Variants in PIEZO1 observed in about 807,000 individuals in gnomAD.
The protein encoded by PIEZO1 is piezo-type mechanosensitive ion channel component 1.
In PIEZO1, 296 loss-of-function variants were observed where a neutral mutation model predicts 297.2. The ratio of observed to expected loss-of-function variants is 1.00; its 90% CI spans 0.91 to 1.10. The LOEUF (loss-of-function observed/expected upper bound fraction) is 1.10. Ranked by LOEUF, PIEZO1 falls within the 50% of genes least tolerant of loss-of-function variation. The probability of loss-of-function intolerance (pLI) is 0.00; values close to 1 mark genes in which losing one functional copy is unlikely to be tolerated. For synonymous variants in PIEZO1, 2,427 were observed against 1,507.5 expected (o/e 1.61, Z -14.13); for missense variants, 5,018 against 3,455.5 (o/e 1.45, Z -11.34).
chr16:88,716,654 CAGCGCCCCGGAGCTGCCCT>C lies in PIEZO1; in HGVS notation c.6812_6830del (p.Glu2271GlyfsTer12). 6.5e-7 allele frequency: 1 copy of C among 1,549,520 alleles called. No homozygotes were observed. The highest frequency in any genetic ancestry group is 8.7e-7 in the Non-Finnish European group (1 of 1,146,932). On this transcript the variant is annotated frameshift_variant, in exon 47 of 51. Coordinates refer to ENST00000301015, the MANE Select transcript of PIEZO1 (RefSeq NM_001142864.4). LOFTEE classifies it high-confidence loss of function. ...CACGGCTGGGGGGACTGATGCGCCA[CAGCGCCCCGGAGCTGCCCT>C]CAATCTGCGCCGTGACGATGTCCTC...
rs1289639118 is a variant in PIEZO1 at position 88,755,144 on chromosome 16, G to A, written c.65-5665C>T. Among the ~76,000 whole-genome samples, 14 of 152,336 alleles carry A rather than the reference G, an allele frequency of 9.2e-5. No individual in the cohort carries two copies. The South Asian group carries it at 2.9e-3, about 32-fold the overall frequency. The stretch of plus-strand genomic sequence containing the variant: ...TCCTGTGGCACTAGCCGAGGACCAC[G>A]ACTGTCACCTCCACATTGCAGACGA... On this transcript the variant is annotated intron_variant, in intron 1 of 50. Coordinates refer to ENST00000301015, the MANE Select transcript of PIEZO1 (RefSeq NM_001142864.4).
At chr16:88,749,019 C>T (rs867329020) in intron 2 of PIEZO1, among the ~76,000 whole-genome samples, 16 of 149,642 alleles carry the variant, frequency 1.1e-4, no homozygotes, top group East Asian at 3.9e-4. Context: ...GGGCGGATCA[C>T]AAGGTCAGGA....
intron 1 of PIEZO1, among the ~76,000 whole-genome samples, chr16:88,753,085 C>T (rs36163566): frequency 6.3e-5 from 3 of 47,578 alleles, no homozygotes; most frequent in African/African-American, 1.8e-4. Flanking sequence ...CCACCCACCG[C>T]CCCCAGAGCA....
intron 1 of PIEZO1, among the ~76,000 whole-genome samples, chr16:88,771,402 C>A (rs1452334939): frequency 6.6e-6 from 1 of 152,014 alleles, no homozygotes; most frequent in Non-Finnish European, 1.5e-5. Flanking sequence ...AGAAACCAGG[C>A]CAGGCGGGGC....
chr16:88,721,086 C>T (rs1021133544), intron 39 of PIEZO1, 80 bp downstream of exon 39: 25 of 1,359,250 alleles, frequency 1.8e-5, no homozygotes, highest in Non-Finnish European at 2.3e-5. Flanking sequence ...TTGGCCGTCT[C>T]ATCTGAGAAA....
Position 88,734,050 on chromosome 16 carries a change from C to G in PIEZO1, c.2185G>C (p.Asp729His), listed in dbSNP as rs1421379054. 3 of 1,515,626 alleles carry G rather than the reference C, an allele frequency of 2.0e-6. No individual in the cohort carries two copies. The East Asian group carries it at 7.4e-5, about 37-fold the overall frequency. 93.9% of individuals were successfully genotyped at this position (1,515,626 alleles called of 1,614,324 possible). Residue 729 changes from aspartate (D) to histidine (H), a missense_variant, in exon 17 of 51, where the codon GAT becomes CAT. Coordinates refer to ENST00000301015, the MANE Select transcript of PIEZO1 (RefSeq NM_001142864.4). ...TRLPRWAHRQ[D>H]AVSGTPLLRE... The stretch of plus-strand genomic sequence containing the variant: ...AGCAGTGGGGTCCCACTCACTGCAT[C>G]CTGCCTGGGAGAGGGTCCGAAAATG...
Position 88,732,509 on chromosome 16 carries a change from C to A in PIEZO1, c.2817G>T (p.Leu939=), listed in dbSNP as rs1280467440. The change falls in exon 21 of 51, where the codon CTG becomes CTT. Residue 939 remains leucine (L), a synonymous_variant. Transcript: ENST00000301015. ...GCCGGTACACGATGGCCTCGAATACCAGCAGCAGCAGCACTTGCAGGTGGT... is the reference window on the plus strand; with the variant it reads ...GCCGGTACACGATGGCCTCGAATACAAGCAGCAGCAGCACTTGCAGGTGGT... ...IQNHLQVLLL[L]VFEAIVYRRQ... is the part of the protein sequence containing the mutation. The A allele has an allele frequency of 1.3e-6, 2 of 1,545,612 alleles. No homozygotes were observed. Among genetic ancestry groups the A allele is most frequent in the African/African-American group, 1.4e-5 (1 of 72,944 alleles).
intron 44 of PIEZO1, chr16:88,719,043 T>A (rs748656105): frequency 6.4e-6 from 1 of 156,078 alleles, no homozygotes; most frequent in Non-Finnish European, 1.4e-5. Flanking sequence ...TGAGGCAGGG[T>A]CTCGCTTGTG....
intron 22 of PIEZO1, among the ~76,000 whole-genome samples, chr16:88,730,435 T>C (rs1597453242): frequency 6.6e-6 from 1 of 151,890 alleles, no homozygotes; most frequent in Admixed American, 6.6e-5. Context: ...CCGTCTCTAC[T>C]AAAAATACAA....
intron 2 of PIEZO1, among the ~76,000 whole-genome samples, chr16:88,746,386 G>C (rs1200847084): frequency 6.6e-6 from 1 of 152,138 alleles, no homozygotes; most frequent in Non-Finnish European, 1.5e-5. Context: ...ATGACAAGCA[G>C]GTCTCTGGGA....
At chr16:88,773,499 G>T (rs554300930) in intron 1 of PIEZO1, among the ~76,000 whole-genome samples, 1 of 152,350 alleles carries the variant, frequency 6.6e-6, no homozygotes, top group African/African-American at 2.4e-5. Flanking sequence ...TAGGGGAAGG[G>T]TGAAGACAGC....
intron 2 of PIEZO1, 145 bp from the exon 3 acceptor site, chr16:88,742,567 G>T: frequency 1.2e-6 from 1 of 817,598 alleles, no homozygotes; most frequent in Non-Finnish European, 1.9e-6. Flanking sequence ...ACCCCATCAG[G>T]CAGGCCGGCC....
In PIEZO1 at chr16:88,722,835, A is replaced by C. The variant is rs1904291449; in HGVS notation, c.4668+2T>G. ...ACGAGCGTGGTGCACGGGCAGGCTC[A>C]CCTGCAGGAGCTCCTGTGTGAGGAG... On this transcript the variant is annotated splice_donor_variant, in intron 34 of 50. Transcript: ENST00000301015. LOFTEE classifies it high-confidence loss of function. 1 of 1,544,908 alleles carries C rather than the reference A, an allele frequency of 6.5e-7. No individual in the cohort carries two copies. The highest frequency in any genetic ancestry group is 8.7e-7 in the Non-Finnish European group (1 of 1,146,456).
rs1012481497 is a variant in PIEZO1 at position 88,727,549 on chromosome 16, G to C, written c.3301+8C>G. On this transcript the variant is annotated splice_region_variant and intron_variant, in intron 23 of 50. Coordinates refer to ENST00000301015, the MANE Select transcript of PIEZO1 (RefSeq NM_001142864.4). Reference sequence around the variant, plus strand: ...TCTGCAGAGGCGGGGGTGGTGGGGGGCACTCACTGATGAGGTTGGTGGAGT... The same window carrying C: ...TCTGCAGAGGCGGGGGTGGTGGGGGCCACTCACTGATGAGGTTGGTGGAGT... 9 of 1,199,096 alleles carry C rather than the reference G, an allele frequency of 7.5e-6. No individual in the cohort carries two copies. The highest frequency in any genetic ancestry group is 2.4e-5 in the Admixed American group (1 of 42,476). The allele number at this position is 1,199,096 out of a possible 1,614,324, so 74.3% of individuals were successfully genotyped here. A position where few individuals can be genotyped will look rare whatever the true frequency, so the allele number is the denominator to read the frequency against.
At chr16:88,747,561 G>C (rs1906129927) in intron 2 of PIEZO1, among the ~76,000 whole-genome samples, 1 of 152,198 alleles carries the variant, frequency 6.6e-6, no homozygotes, top group Non-Finnish European at 1.5e-5. Flanking sequence ...ACAGCACCAC[G>C]AGCTAGGAGG....
chr16:88,715,439 T>A lies in PIEZO1; in HGVS notation c.*166A>T. On this transcript the variant is annotated 3_prime_UTR_variant, in exon 51 of 51. Transcript: ENST00000301015. ...CGCCACGCAGGCCGTGGGGACGCAGTGTCCTTCTCTGACAGCAGCATCAGG... is the reference window on the plus strand; with the variant it reads ...CGCCACGCAGGCCGTGGGGACGCAGAGTCCTTCTCTGACAGCAGCATCAGG... 1 of 926,148 alleles carries A rather than the reference T, an allele frequency of 1.1e-6. No homozygotes were observed. Among genetic ancestry groups the A allele is most frequent in the Non-Finnish European group, 1.6e-6 (1 of 624,992 alleles). 57.4% of individuals were successfully genotyped at this position (926,148 alleles called of 1,614,324 possible).
In PIEZO1 at chr16:88,736,226, G is replaced by A. The variant is rs778583416; in HGVS notation, c.1479C>T (p.Pro493=). The A allele has an allele frequency of 6.5e-6, 10 of 1,549,900 alleles. No individual in the cohort carries two copies. In the South Asian group the frequency reaches 7.1e-5, roughly 11 times the overall value. ...VWAMDLRPEL[P]TTLGPVSLRQ... Reference sequence around the variant, plus strand: ...GCAGGCTGACGGGGCCCAGGGTGGTGGGCAGCTCAGGGCGCAGGTCCATGG... The same window carrying A: ...GCAGGCTGACGGGGCCCAGGGTGGTAGGCAGCTCAGGGCGCAGGTCCATGG... Residue 493 remains proline, a synonymous_variant, in exon 12 of 51, where the codon CCC becomes CCT. Coordinates refer to ENST00000301015, the MANE Select transcript of PIEZO1 (RefSeq NM_001142864.4).
intron 1 of PIEZO1, among the ~76,000 whole-genome samples, chr16:88,774,473 G>C (rs1227908817): frequency 6.6e-6 from 1 of 152,216 alleles, no homozygotes; most frequent in African/African-American, 2.4e-5. Flanking sequence ...ACCCAGCTGT[G>C]ATAGCCAGGA....
intron 22 of PIEZO1, among the ~76,000 whole-genome samples, chr16:88,729,931 C>T (rs1401863421): frequency 6.6e-6 from 1 of 152,238 alleles, no homozygotes; most frequent in African/African-American, 2.4e-5. Context: ...AAGTTACCCT[C>T]GATGTTGGGG....
Sources: allele counts gnomAD v4.1 joint callset (sites outside exome capture counted in the v4.1 genomes callset), GRCh38; gene constraint gnomAD v4.1.1; transcripts MANE v1.5; gene names NCBI Gene and HGNC (gene_info 2026-07-23, HGNC 2026-07-21).